The following IGFBPL1 variants were observed in gnomAD, a reference collection of about 807,000 sequenced individuals.
The protein encoded by IGFBPL1 is insulin like growth factor binding protein like 1.
In IGFBPL1, 20 loss-of-function variants were observed where a neutral mutation model predicts 23.9. That is an observed-to-expected ratio of 0.84 (90% confidence interval 0.59 to 1.22). The LOEUF (loss-of-function observed/expected upper bound fraction) is 1.22. Ranked by LOEUF, IGFBPL1 falls within the 50% of genes most tolerant of loss-of-function variation. The probability of loss-of-function intolerance (pLI) is 0.00; values close to 1 mark genes in which losing one functional copy is unlikely to be tolerated. For synonymous variants in IGFBPL1, 184 were observed against 171.8 expected (o/e 1.07, Z -0.56); for missense variants, 436 against 379.3 (o/e 1.15, Z -1.24).
intron 1 of IGFBPL1, among the ~76,000 whole-genome samples, chr9:38,423,406 TCTTA>T (rs760482617): frequency 4.3e-4 from 65 of 152,106 alleles, no homozygotes; most frequent in Admixed American, 1.7e-3. Flanking sequence ...TCTCCAAAGG[TCTTA>T]CTTCTCCTGG....
chr9:38,411,614 G>T, intron 3 of IGFBPL1, 65 bp from the exon 4 acceptor site: 1 of 1,353,704 alleles, frequency 7.4e-7, no homozygotes, highest in Non-Finnish European at 1.1e-6. Context: ...TCCTTAGTTA[G>T]TTCTTAATGA....
In IGFBPL1 at chr9:38,424,037, G is replaced by T; in HGVS notation, c.388C>A (p.Leu130Met). The change falls in exon 1 of 5, where the codon CTG becomes ATG. Residue 130 changes from leucine (L) to methionine (M), a missense_variant. Physicochemically the swap from Leu to Met is conservative, Grantham distance 15. Transcript: ENST00000377694. The part of the protein sequence containing the change: ...RSYPSVCALR[L>M]RARHTPRAHP... ...GCGCGGGGCGTGTGCCGAGCGCGCAGGCGCAGCGCGCAGACGCTGGGGTAC... is the reference window on the plus strand; with the variant it reads ...GCGCGGGGCGTGTGCCGAGCGCGCATGCGCAGCGCGCAGACGCTGGGGTAC... The T allele has an allele frequency of 7.1e-7, 1 of 1,399,154 alleles. No individual in the cohort carries two copies. The highest frequency in any genetic ancestry group is 1.6e-5 in the South Asian group (1 of 63,672). The allele number at this position is 1,399,154 out of a possible 1,614,324, so 86.7% of individuals were successfully genotyped here.
chr9:38,411,399 A>G lies in IGFBPL1; in HGVS notation c.*1T>C. 6.2e-7 allele frequency: 1 copy of G among 1,612,450 alleles called. No individual in the cohort carries two copies. The highest frequency in any genetic ancestry group is 1.7e-5 in the Admixed American group (1 of 59,796). ...TGACTTAGAACATGTACATTTCTCC[A>G]TCACATGCGGTCATCGGGAGCTGGG... On this transcript the variant is annotated 3_prime_UTR_variant, in exon 4 of 5. Coordinates refer to ENST00000377694, the MANE Select transcript of IGFBPL1 (RefSeq NM_001007563.3).
chr9:38,411,307 TTCTTTTTTTTACAGG>T, intron 4 of IGFBPL1, 69 bp downstream of exon 4: 1 of 1,233,172 alleles, frequency 8.1e-7, no homozygotes. Flanking sequence ...CGTATTTTTC[TTCTTTTTTTTACAGG>T]TCTTATAAGC....
At chr9:38,423,823 G>T in intron 1 of IGFBPL1, 142 bp downstream of exon 1, 1 of 816,372 alleles carries the variant, frequency 1.2e-6, no homozygotes, top group Non-Finnish European at 1.7e-6. Flanking sequence ...AGCACGAGGA[G>T]AGATATGAAA....
At chr9:38,420,178 G>A (rs1335106167) in intron 1 of IGFBPL1, among the ~76,000 whole-genome samples, 1 of 152,020 alleles carries the variant, frequency 6.6e-6, no homozygotes, top group Non-Finnish European at 1.5e-5. Context: ...TTCCCCCTTC[G>A]GCCTTGCACC....
chr9:38,419,179 T>C (rs1271490120), intron 1 of IGFBPL1, among the ~76,000 whole-genome samples: 1 of 152,098 alleles, frequency 6.6e-6, no homozygotes, highest in Non-Finnish European at 1.5e-5. Flanking sequence ...AAGTTAATGG[T>C]GCTAGGGAAA....
At chr9:38,415,451 C>G (rs897836337) in intron 1 of IGFBPL1, among the ~76,000 whole-genome samples, 1 of 152,142 alleles carries the variant, frequency 6.6e-6, no homozygotes, top group African/African-American at 2.4e-5. Flanking sequence ...CATCACACCC[C>G]AATGCTCAGG....
chr9:38,414,013 C>T (rs533296144), intron 2 of IGFBPL1, 81 bp downstream of exon 2: 16 of 760,096 alleles, frequency 2.1e-5, no homozygotes, highest in Admixed American at 8.4e-5. Context: ...TTACCACTCA[C>T]GTCTGTTTCT....
At chr9:38,419,790 C>T (rs1051794959) in intron 1 of IGFBPL1, among the ~76,000 whole-genome samples, 6 of 152,096 alleles carry the variant, frequency 3.9e-5, no homozygotes, top group Non-Finnish European at 7.4e-5. Context: ...CAGAATGTAT[C>T]GAAGACCCAC....
intron 3 of IGFBPL1, among the ~76,000 whole-genome samples, chr9:38,411,781 G>A (rs144304530): frequency 4.9e-4 from 74 of 152,062 alleles, no homozygotes; most frequent in African/African-American, 1.7e-3. Flanking sequence ...TGATTCCTCC[G>A]CACACCTGCC....
At chr9:38,413,883 G>C (rs1268601566) in intron 2 of IGFBPL1, among the ~76,000 whole-genome samples, 1 of 152,262 alleles carries the variant, frequency 6.6e-6, no homozygotes. Context: ...CCCTTCCAAG[G>C]GGAGAGGTTT....
intron 1 of IGFBPL1, among the ~76,000 whole-genome samples, chr9:38,416,823 C>A (rs1052777668): frequency 8.6e-5 from 13 of 151,890 alleles, no homozygotes; most frequent in South Asian, 6.3e-4. Flanking sequence ...TACAGGCATG[C>A]ACTACCACGC....
chr9:38,414,247 TTC>T, intron 1 of IGFBPL1, 44 bp from the exon 2 acceptor site: 2 of 1,250,780 alleles, frequency 1.6e-6, no homozygotes, highest in Non-Finnish European at 2.3e-6. Context: ...CCCTGCAGGG[TTC>T]CAAGCAACCC....
In IGFBPL1 at chr9:38,424,000, T is replaced by C. The variant is rs1821720466; in HGVS notation, c.425A>G (p.His142Arg). 2 of 1,410,784 alleles carry C rather than the reference T, an allele frequency of 1.4e-6. No homozygotes were observed. Among genetic ancestry groups the C allele is most frequent in the East Asian group, 6.0e-5 (2 of 33,192 alleles). The allele number at this position is 1,410,784 out of a possible 1,614,324, so 87.4% of individuals were successfully genotyped here. The stretch of plus-strand genomic sequence containing the variant: ...AGGGCCGTCGCGCGCCTTGTGCAGG[T>C]GACCGGGGTGCGCGCGGGGCGTGTG... ...ARHTPRAHPG[H>R]LHKARDGPCE... The change falls in exon 1 of 5, where the codon CAC becomes CGC. Residue 142 changes from histidine (H) to arginine (R), a missense_variant. Transcript: ENST00000377694.
At chr9:38,411,333 C>T in intron 4 of IGFBPL1, 58 bp downstream of exon 4, 4 of 1,434,554 alleles carry the variant, frequency 2.8e-6, no homozygotes, top group South Asian at 1.3e-5. Context: ...TCTTATAAGC[C>T]ACCTCAAATA....
chr9:38,416,770 G>A (rs1269535846), intron 1 of IGFBPL1, among the ~76,000 whole-genome samples: 3 of 151,648 alleles, frequency 2.0e-5, no homozygotes, highest in Non-Finnish European at 2.9e-5. Context: ...GAACTCCAGG[G>A]CTCAAGCAAT....
Position 38,406,947 on chromosome 9 carries a change from T to C in IGFBPL1, c.*2280A>G, listed in dbSNP as rs1821438118. Among the ~76,000 whole-genome samples the C allele has an allele frequency of 6.6e-6, 1 of 152,240 alleles. No individual in the cohort carries two copies. Among genetic ancestry groups the C allele is most frequent in the African/African-American group, 2.4e-5 (1 of 41,466 alleles). ...AAATCTGAGGTGAGTCAACTGAGTT[T>C]GCAAAATGTGCTTATTAGCAGGTGT... On this transcript the variant is annotated 3_prime_UTR_variant, in exon 5 of 5. Transcript: ENST00000377694.
chr9:38,414,070 G>T (rs12375529), intron 2 of IGFBPL1, 24 bp downstream of exon 2: 352,746 of 1,195,206 alleles, frequency 0.3, 51,185 homozygotes, highest in African/African-American at 0.34. Context: ...CACACGAGAT[G>T]CATGAGTTCT....
Sources: gnomAD v4.1 joint callset for allele counts (sites outside exome capture counted in the v4.1 genomes callset) on GRCh38, gnomAD v4.1.1 for gene constraint, MANE v1.5 for transcripts, NCBI Gene and HGNC (gene_info 2026-07-23, HGNC 2026-07-21) for gene names.